The following SLC45A4 variants were observed in gnomAD, a reference collection of about 807,000 sequenced individuals.
SLC45A4 encodes the protein solute carrier family 45 member 4.
Under a neutral mutation model 63.7 loss-of-function variants are expected in SLC45A4, and 32 were observed. The observed-to-expected ratio is 0.50, with a 90% confidence interval of 0.38 to 0.67. SLC45A4 has a LOEUF of 0.67. Ranked by LOEUF, SLC45A4 falls within the 30% of genes least tolerant of loss-of-function variation. The pLI, the probability that SLC45A4 is intolerant of heterozygous loss-of-function variation, is 0.00. For missense variants in SLC45A4, 1,027 were observed against 1,157.7 expected (o/e 0.89, Z 1.64); for synonymous variants, 535 against 510.0 (o/e 1.05, Z -0.66).
At chr8:141,226,940 G>T (rs1178003707) in intron 2 of SLC45A4, 3 of 152,192 alleles carry the variant, frequency 2.0e-5, no homozygotes, top group Non-Finnish European at 4.4e-5. Flanking sequence ...ACTTTTCATC[G>T]TATCTTCAAA....
chr8:141,305,657 A>G (rs775254980), intron 1 of SLC45A4, among the ~76,000 whole-genome samples: 6 of 152,162 alleles, frequency 3.9e-5, no homozygotes, highest in Non-Finnish European at 8.8e-5. Context: ...GCCAGGCCAC[A>G]AGGCTGTTGG....
chr8:141,289,248 C>T (rs981372943), intron 1 of SLC45A4, among the ~76,000 whole-genome samples: 1 of 152,148 alleles, frequency 6.6e-6, no homozygotes, highest in Non-Finnish European at 1.5e-5. Context: ...AGAAACAGGG[C>T]TGCTGCTTGG....
At chr8:141,246,273 T>A (rs1828188513) in intron 2 of SLC45A4, among the ~76,000 whole-genome samples, 1 of 152,078 alleles carries the variant, frequency 6.6e-6, no homozygotes, top group South Asian at 2.1e-4. Context: ...TGCTGCTGCG[T>A]AACAAACTGC....
In SLC45A4 at chr8:141,286,050, C is replaced by T. The variant is rs78454695; in HGVS notation, c.-401+22046G>A. On this transcript the variant is annotated intron_variant, in intron 1 of 8. Coordinates refer to ENST00000517878, the MANE Select transcript of SLC45A4 (RefSeq NM_001286646.2). The stretch of plus-strand genomic sequence containing the variant: ...TGGCTCTTGTTACTGACCCCACAGG[C>T]GTGGGCAGTTGCATTGCAGGGACCA... Among the ~76,000 whole-genome samples, 458 of 152,272 alleles carry T rather than the reference C, an allele frequency of 3.0e-3. 1 individual carries two copies. Among genetic ancestry groups the T allele is most frequent in the African/African-American group, 0.01 (416 of 41,542 alleles).
chr8:141,272,076 C>A (rs929383901), intron 1 of SLC45A4, among the ~76,000 whole-genome samples: 1 of 152,188 alleles, frequency 6.6e-6, no homozygotes, highest in Non-Finnish European at 1.5e-5. Flanking sequence ...ACATCCATTC[C>A]CACACATGTG....
intron 1 of SLC45A4, among the ~76,000 whole-genome samples, chr8:141,283,080 C>T (rs139818927): frequency 5.4e-4 from 82 of 152,380 alleles, no homozygotes; most frequent in African/African-American, 1.0e-3. Context: ...ACCACCCCTA[C>T]TGCCTCTGGA....
At chr8:141,282,293 T>C (rs1829982577) in intron 1 of SLC45A4, among the ~76,000 whole-genome samples, 2 of 152,216 alleles carry the variant, frequency 1.3e-5, no homozygotes, top group Non-Finnish European at 2.9e-5. Flanking sequence ...ACTATGCTCC[T>C]CCTGCCTTCC....
chr8:141,236,263 G>C (rs1044947629), intron 2 of SLC45A4, among the ~76,000 whole-genome samples: 19 of 152,204 alleles, frequency 1.2e-4, no homozygotes, highest in African/African-American at 4.3e-4. Flanking sequence ...TAGGCGTCCA[G>C]AGAAAGCCGT....
In SLC45A4 at chr8:141,212,440, G is replaced by A. The variant is rs778146517; in HGVS notation, c.2058C>T (p.Val686=). 13 of 1,613,740 alleles carry A rather than the reference G, an allele frequency of 8.1e-6. No homozygotes were observed. Among genetic ancestry groups the A allele is most frequent in the Admixed American group, 3.3e-5 (2 of 60,020 alleles). The change falls in exon 8 of 9, where the codon GTC becomes GTT. Residue 686 remains valine (V), a synonymous_variant. Coordinates refer to ENST00000517878, the MANE Select transcript of SLC45A4 (RefSeq NM_001286646.2). ...TGACGCGGACAGTCCCCACGGCGTC[G>A]ACCACGCCCCCAAGGGCAGAGGCCA... ...ILVASALGGV[V]DAVGTVRVIP...
chr8:141,212,135 G>GCCCCCCCCCC lies in SLC45A4; in HGVS notation c.2301+61_2301+62insGGGGGGGGGG. 2 of 544,548 alleles carry GCCCCCCCCCC rather than the reference G, an allele frequency of 3.7e-6. 1 individual carries two copies. Among genetic ancestry groups the GCCCCCCCCCC allele is most frequent in the Non-Finnish European group, 4.8e-6 (2 of 413,694 alleles). The allele number at this position is 544,548 out of a possible 1,614,324, so 33.7% of individuals were successfully genotyped here. On this transcript the variant is annotated intron_variant, in intron 8 of 8. Coordinates refer to ENST00000517878, the MANE Select transcript of SLC45A4 (RefSeq NM_001286646.2). ...CTGCTCCCGCCCATGGCCTGGCCCC[G>GCCCCCCCCCC]CCGCCCGCCCGCCCGCCCACCCGCC...
chr8:141,214,642 G>A (rs1288395578), intron 7 of SLC45A4, among the ~76,000 whole-genome samples: 1 of 152,198 alleles, frequency 6.6e-6, no homozygotes, highest in Non-Finnish European at 1.5e-5. Flanking sequence ...CAATCTTGAA[G>A]AAGAACAAAG....
rs552920965 is a variant in SLC45A4, at chr8:141,247,124, T to C, written c.241+6865A>G. On this transcript the variant is annotated intron_variant, in intron 2 of 8. Coordinates refer to ENST00000517878, the MANE Select transcript of SLC45A4 (RefSeq NM_001286646.2). ...AAAAGACCAACAAAATTGATAAACCTTTAACCAGGCTGATCAAATTACCAA... is the reference window on the plus strand; with the variant it reads ...AAAAGACCAACAAAATTGATAAACCCTTAACCAGGCTGATCAAATTACCAA... 2.0e-5 allele frequency among the ~76,000 whole-genome samples: 3 copies of C among 152,262 alleles called. No individual in the cohort carries two copies. In the South Asian group the frequency reaches 6.2e-4, roughly 32 times the overall value.
chr8:141,255,741 AC>A (rs112353493), intron 1 of SLC45A4, among the ~76,000 whole-genome samples: 1,104 of 77,090 alleles, frequency 0.014, 18 homozygotes, highest in African/African-American at 0.068. Context: ...AAACAAACAA[AC>A]AAAAAAAACA....
At chr8:141,302,681 T>C (rs1289812186) in intron 1 of SLC45A4, among the ~76,000 whole-genome samples, 1 of 152,236 alleles carries the variant, frequency 6.6e-6, no homozygotes, top group Non-Finnish European at 1.5e-5. Context: ...AGGCCTTTGC[T>C]TGACAGCAAT....
intron 1 of SLC45A4, among the ~76,000 whole-genome samples, chr8:141,272,522 C>T (rs753787643): frequency 2.0e-5 from 3 of 152,214 alleles, no homozygotes; most frequent in African/African-American, 4.8e-5. Flanking sequence ...GTGAACAGGG[C>T]GGTACCTTAC....
chr8:141,250,548 G>C (rs1381043340), intron 2 of SLC45A4, among the ~76,000 whole-genome samples: 1 of 152,074 alleles, frequency 6.6e-6, no homozygotes, highest in East Asian at 1.9e-4. Flanking sequence ...ACCACATCCA[G>C]CTAATTTTTT....
chr8:141,252,100 TA>T (rs1267060276), intron 2 of SLC45A4, among the ~76,000 whole-genome samples: 2 of 150,870 alleles, frequency 1.3e-5, no homozygotes, highest in Admixed American at 6.6e-5. Context: ...TACCATGCAA[TA>T]TGTTGAATTC....
intron 1 of SLC45A4, among the ~76,000 whole-genome samples, chr8:141,284,395 G>A (rs1563673284): frequency 2.0e-5 from 3 of 152,258 alleles, no homozygotes; most frequent in South Asian, 4.1e-4. Flanking sequence ...CAGCTCGGGA[G>A]GGAGGGGCCA....
At chr8:141,213,582 G>A (rs1217800860) in intron 7 of SLC45A4, among the ~76,000 whole-genome samples, 1 of 152,218 alleles carries the variant, frequency 6.6e-6, no homozygotes, top group East Asian at 1.9e-4. Flanking sequence ...TGTGTGTGGA[G>A]GGAAACTGAC....
Sources: gnomAD v4.1 joint callset for allele counts (sites outside exome capture counted in the v4.1 genomes callset) on GRCh38, gnomAD v4.1.1 for gene constraint, MANE v1.5 for transcripts, NCBI Gene and HGNC (gene_info 2026-07-23, HGNC 2026-07-21) for gene names.